The following EYA1 variants were observed in gnomAD, a reference collection of about 807,000 sequenced individuals.
The protein encoded by EYA1 is EYA transcriptional coactivator and phosphatase 1, also known as protein phosphatase EYA1.
EYA1 carries 16 observed loss-of-function variants against 82.0 expected under a neutral mutation model. That is an observed-to-expected ratio of 0.20 (90% CI 0.13 to 0.30). The LOEUF (loss-of-function observed/expected upper bound fraction) is 0.30, where lower values mean the gene tolerates loss of function less well. Among genes scored for constraint, EYA1 ranks in the 10% least tolerant of loss-of-function variants. The pLI is 1.00. For synonymous variants in EYA1, 261 were observed against 264.4 expected, an observed-to-expected ratio of 0.99 and a Z score of 0.12; for missense variants, 633 against 730.7, an observed-to-expected ratio of 0.87 and a Z score of 1.54.
intron 2 of EYA1, among the ~76,000 whole-genome samples, chr8:71,414,361 T>G (rs562875788): frequency 6.6e-6 from 1 of 152,130 alleles, no homozygotes; most frequent in African/African-American, 2.4e-5. Flanking sequence ...CTACAGGAGG[T>G]TTCTCTCAAA....
chr8:71,486,077 G>A (rs1170387324), intron 2 of EYA1, among the ~76,000 whole-genome samples: 2 of 152,058 alleles, frequency 1.3e-5, no homozygotes, highest in East Asian at 1.9e-4. Context: ...TGAAGGGTGC[G>A]GCAGAATCAT....
At chr8:71,542,431 T>C (rs1318254902) in intron 1 of EYA1, among the ~76,000 whole-genome samples, 1 of 152,256 alleles carries the variant, frequency 6.6e-6, no homozygotes, top group Non-Finnish European at 1.5e-5. Context: ...CCAAGGTGTA[T>C]ATGTATCACA....
chr8:71,292,681 A>G (rs757802490), intron 9 of EYA1, among the ~76,000 whole-genome samples: 15 of 152,140 alleles, frequency 9.9e-5, no homozygotes, highest in African/African-American at 3.6e-4. Context: ...AAATATATAC[A>G]TCATTAAAAG....
intron 12 of EYA1, among the ~76,000 whole-genome samples, chr8:71,231,457 G>A (rs1811186647): frequency 6.6e-6 from 1 of 152,236 alleles, no homozygotes; most frequent in South Asian, 2.1e-4. Flanking sequence ...GCTTTCTCAA[G>A]CTCAATGTTT....
At chr8:71,508,698 A>C (rs754479661) in intron 2 of EYA1, among the ~76,000 whole-genome samples, 10 of 152,138 alleles carry the variant, frequency 6.6e-5, no homozygotes, top group Non-Finnish European at 7.4e-5. Context: ...ATGAGTTCTC[A>C]TTAGACACAG....
intron 2 of EYA1, among the ~76,000 whole-genome samples, chr8:71,491,685 A>C (rs1811006484): frequency 1.3e-5 from 2 of 152,194 alleles, no homozygotes; most frequent in Admixed American, 1.3e-4. Context: ...ATTTCTGTTG[A>C]GCCATCCAGT....
chr8:71,422,030 A>C (rs1586685849), intron 2 of EYA1, among the ~76,000 whole-genome samples: 1 of 152,346 alleles, frequency 6.6e-6, no homozygotes, highest in East Asian at 1.9e-4. Context: ...ATTTTTCTAC[A>C]GTGGTCTAAT....
At chr8:71,331,404 G>C (rs920305399) in intron 4 of EYA1, among the ~76,000 whole-genome samples, 5 of 150,870 alleles carry the variant, frequency 3.3e-5, no homozygotes, top group Admixed American at 2.0e-4. Context: ...ATTTTCCACA[G>C]ATATTTTCAA....
intron 2 of EYA1, among the ~76,000 whole-genome samples, chr8:71,428,316 T>A (rs975368861): frequency 2.0e-5 from 3 of 152,336 alleles, no homozygotes; most frequent in East Asian, 3.9e-4. Context: ...TACCAACCTA[T>A]GTTGTTGTGT....
chr8:71,406,722 T>A (rs1425183555), intron 2 of EYA1, among the ~76,000 whole-genome samples: 1 of 151,906 alleles, frequency 6.6e-6, no homozygotes, highest in Non-Finnish European at 1.5e-5. Flanking sequence ...CGGAGGGTCC[T>A]ACGCCCACGG....
At chr8:71,266,598 G>T (rs1027968981) in intron 11 of EYA1, among the ~76,000 whole-genome samples, 8 of 152,200 alleles carry the variant, frequency 5.3e-5, no homozygotes, top group African/African-American at 1.9e-4. Context: ...CAAGTGTTCA[G>T]TACAAGGAAG....
chr8:71,394,465 T>C (rs1829467023), intron 2 of EYA1, among the ~76,000 whole-genome samples: 1 of 152,212 alleles, frequency 6.6e-6, no homozygotes, highest in Non-Finnish European at 1.5e-5. Context: ...AATTAATTTT[T>C]GTATAAGGTG....
chr8:71,217,221 T>C (rs1179254737), intron 12 of EYA1, among the ~76,000 whole-genome samples, 198 bp from the exon 13 acceptor site: 2 of 152,158 alleles, frequency 1.3e-5, no homozygotes, highest in East Asian at 3.9e-4. Context: ...AGAAGCAACA[T>C]CGTTAAGGAC....
intron 12 of EYA1, among the ~76,000 whole-genome samples, chr8:71,221,659 G>A (rs1353865212): frequency 6.6e-6 from 1 of 152,184 alleles, no homozygotes; most frequent in Non-Finnish European, 1.5e-5. Flanking sequence ...TAGGAATGTC[G>A]GGTGATGGTC....
At chr8:71,213,714 C>T (rs916871749) in intron 16 of EYA1, among the ~76,000 whole-genome samples, 1 of 152,210 alleles carries the variant, frequency 6.6e-6, no homozygotes, top group Non-Finnish European at 1.5e-5. Context: ...TGTCTTTCTG[C>T]CATTGATTGA....
At chr8:71,445,092 G>A (rs1806772046) in intron 2 of EYA1, among the ~76,000 whole-genome samples, 1 of 152,046 alleles carries the variant, frequency 6.6e-6, no homozygotes, top group Non-Finnish European at 1.5e-5. Context: ...ATTGCTTTAT[G>A]TTATGTTATT....
chr8:71,449,583 G>A (rs1045289391), intron 2 of EYA1, among the ~76,000 whole-genome samples: 16 of 152,204 alleles, frequency 1.1e-4, no homozygotes, highest in African/African-American at 3.9e-4. Flanking sequence ...TTTATAGACA[G>A]CACAGGCAGT....
rs769124060 is a variant in EYA1 at position 71,361,837 on chromosome 8, C to G, written c.-245G>C. ...GGGAAAGCTCGGCGCAGGGGGCAGG[C>G]GCCTGGCCGCTGCCGCAGGCTCGGG... On this transcript the variant is annotated 5_prime_UTR_variant, in exon 1 of 18. Coordinates refer to ENST00000340726, the MANE Select transcript of EYA1 (RefSeq NM_000503.6). The G allele has an allele frequency of 1.5e-5, 15 of 985,428 alleles. No individual in the cohort carries two copies. The highest frequency in any genetic ancestry group is 1.7e-5 in the African/African-American group (1 of 57,370). The allele number at this position is 985,428 out of a possible 1,614,324, so 61.0% of individuals were successfully genotyped here.
intron 12 of EYA1, among the ~76,000 whole-genome samples, chr8:71,228,214 C>T (rs1194152657): frequency 6.6e-6 from 1 of 152,134 alleles, no homozygotes; most frequent in Non-Finnish European, 1.5e-5. Context: ...CACTTTCCTA[C>T]TCAAAAAATT....
Sources: gnomAD v4.1 joint callset for allele counts (sites outside exome capture counted in the v4.1 genomes callset) on GRCh38, gnomAD v4.1.1 for gene constraint, MANE v1.5 for transcripts, NCBI Gene and HGNC (gene_info 2026-07-23, HGNC 2026-07-21) for gene names.